NEGR1: variants seen among roughly 807,000 people sequenced by gnomAD.
NEGR1 encodes the protein IgLON family member 4.
Under a neutral mutation model 40.9 loss-of-function variants are expected in NEGR1, and 10 were observed. The ratio of observed to expected loss-of-function variants is 0.24; its 90% CI spans 0.15 to 0.42. The LOEUF is 0.42. NEGR1 is among the 10% of genes least tolerant of loss of function. The probability of loss-of-function intolerance (pLI) is 1.00; values close to 1 mark genes in which losing one functional copy is unlikely to be tolerated. For synonymous variants in NEGR1, 185 were observed against 166.8 expected, an observed-to-expected ratio of 1.11 and a Z score of -0.84; for missense variants, 352 against 438.9, an observed-to-expected ratio of 0.80 and a Z score of 1.77.
intron 2 of NEGR1, among the ~76,000 whole-genome samples, chr1:71,799,708 T>G (rs987975875): frequency 6.0e-5 from 9 of 150,856 alleles, no homozygotes; most frequent in South Asian, 2.1e-4. Context: ...CAGCATCTGT[T>G]GTCTCCTGAC....
intron 4 of NEGR1, among the ~76,000 whole-genome samples, chr1:71,696,596 G>A (rs1416958299): frequency 6.6e-6 from 1 of 151,748 alleles, no homozygotes; most frequent in Non-Finnish European, 1.5e-5. Flanking sequence ...AATAAAATCA[G>A]TATACACATA....
chr1:71,433,867 A>C (rs544877259), intron 6 of NEGR1, among the ~76,000 whole-genome samples: 4 of 152,328 alleles, frequency 2.6e-5, no homozygotes, highest in South Asian at 4.1e-4. Context: ...GTATTTCTCT[A>C]TGTTTCAAAA....
At chr1:71,969,081 C>A (rs1557460843) in intron 1 of NEGR1, among the ~76,000 whole-genome samples, 1 of 151,938 alleles carries the variant, frequency 6.6e-6, no homozygotes, top group South Asian at 2.1e-4. Flanking sequence ...ATGGTGCGAT[C>A]TTGGCTTACT....
At chr1:72,241,717 T>C (rs901059935) in intron 1 of NEGR1, among the ~76,000 whole-genome samples, 1 of 151,668 alleles carries the variant, frequency 6.6e-6, no homozygotes, top group African/African-American at 2.4e-5. Context: ...CAGGTATATA[T>C]TCCTTCAACT....
intron 3 of NEGR1, among the ~76,000 whole-genome samples, chr1:71,751,728 A>AG (rs1655577225): frequency 6.6e-6 from 1 of 152,056 alleles, no homozygotes; most frequent in Non-Finnish European, 1.5e-5. Flanking sequence ...AAAAAAAAAA[A>AG]GCCTGTCTCA....
intron 2 of NEGR1, among the ~76,000 whole-genome samples, chr1:71,866,799 G>T (rs1294156377): frequency 6.6e-6 from 1 of 152,186 alleles, no homozygotes; most frequent in Non-Finnish European, 1.5e-5. Context: ...GTGGTAAGAA[G>T]TGATAGTATA....
intron 4 of NEGR1, among the ~76,000 whole-genome samples, chr1:71,685,469 T>C (rs1368742360): frequency 2.0e-5 from 3 of 152,040 alleles, no homozygotes; most frequent in Non-Finnish European, 4.4e-5. Flanking sequence ...ATTACAGGCA[T>C]GCACCACCAC....
intron 2 of NEGR1, among the ~76,000 whole-genome samples, chr1:71,789,124 C>T (rs1224919307): frequency 1.3e-5 from 2 of 152,054 alleles, no homozygotes; most frequent in Non-Finnish European, 2.9e-5. Flanking sequence ...GAGTTATACA[C>T]ATATGGAGGC....
intron 4 of NEGR1, among the ~76,000 whole-genome samples, chr1:71,685,129 T>C (rs1652986772): frequency 6.6e-6 from 1 of 152,166 alleles, no homozygotes; most frequent in Admixed American, 6.6e-5. Context: ...ACATTACTGA[T>C]GTTTTCATTT....
chr1:72,129,834 T>C (rs531810578), intron 1 of NEGR1, among the ~76,000 whole-genome samples: 7 of 152,350 alleles, frequency 4.6e-5, no homozygotes, highest in South Asian at 2.1e-4. Flanking sequence ...TAAGAAAATA[T>C]TGTCACATCT....
At chr1:72,059,185 A>G (rs1048948680) in intron 1 of NEGR1, among the ~76,000 whole-genome samples, 1 of 151,630 alleles carries the variant, frequency 6.6e-6, no homozygotes, top group Non-Finnish European at 1.5e-5. Flanking sequence ...AGAGTACAGC[A>G]TCTAGTTAAA....
intron 2 of NEGR1, among the ~76,000 whole-genome samples, chr1:71,925,250 G>A (rs1277446773): frequency 6.6e-6 from 1 of 152,160 alleles, no homozygotes; most frequent in Non-Finnish European, 1.5e-5. Flanking sequence ...AATTTCATCA[G>A]ATTTTCAAAT....
chr1:72,237,186 T>C (rs917930329), intron 1 of NEGR1, among the ~76,000 whole-genome samples: 2 of 151,992 alleles, frequency 1.3e-5, no homozygotes, highest in Non-Finnish European at 2.9e-5. Context: ...TTACAAATCA[T>C]ACAAAGCAAG....
At chr1:71,619,388 G>A (rs557468523) in intron 4 of NEGR1, among the ~76,000 whole-genome samples, 29 of 152,074 alleles carry the variant, frequency 1.9e-4, no homozygotes, top group African/African-American at 6.3e-4. Context: ...CTGGGAGTAG[G>A]GAAATAAATT....
At chr1:71,748,403 T>A (rs1332244973) in intron 3 of NEGR1, among the ~76,000 whole-genome samples, 1 of 152,184 alleles carries the variant, frequency 6.6e-6, no homozygotes, top group Non-Finnish European at 1.5e-5. Flanking sequence ...TGAGTATATA[T>A]ATGTATACAT....
intron 6 of NEGR1, among the ~76,000 whole-genome samples, chr1:71,542,889 G>T (rs1647762128): frequency 1.3e-5 from 2 of 151,774 alleles, no homozygotes; most frequent in South Asian, 4.1e-4. Context: ...TTTAACTTTG[G>T]AAAAAATTGC....
intron 3 of NEGR1, among the ~76,000 whole-genome samples, chr1:71,759,596 C>CTCTTTTT (rs1655866637): frequency 3.1e-5 from 1 of 31,952 alleles, no homozygotes; most frequent in Non-Finnish European, 6.3e-5. Context: ...TGCGTCCAGG[C>CTCTTTTT]TTTTTTTTTT....
chr1:71,407,449 T>A lies in NEGR1; in HGVS notation c.1062A>T (p.Gln354His). The change falls in exon 7 of 7, where the codon CAA becomes CAT. Residue 354 changes from glutamine to histidine, a missense_variant. Around this residue, in one of 5 missense-constraint regions of NEGR1, gnomAD observed 184 missense variants for 208.7 expected, o/e 0.88. Coordinates refer to ENST00000357731, the MANE Select transcript of NEGR1 (RefSeq NM_173808.3). The stretch of plus-strand genomic sequence containing the variant: ...AGCCTTTTATGGGTCTTTGAATTTA[T>A]TGTAGAATGGCATTCTTCAGGTAGA... ...SIFYLKNAIL[Q>H] 6.2e-7 allele frequency: 1 copy of A among 1,611,708 alleles called. No individual in the cohort carries two copies.
intron 6 of NEGR1, among the ~76,000 whole-genome samples, chr1:71,580,647 G>C (rs1034958719): frequency 6.6e-6 from 1 of 151,846 alleles, no homozygotes; most frequent in African/African-American, 2.4e-5. Context: ...AATGGGGGGA[G>C]GGCACTGAAG....
Sources: allele counts gnomAD v4.1 joint callset (sites outside exome capture counted in the v4.1 genomes callset), GRCh38; gene constraint gnomAD v4.1.1; regional missense constraint gnomAD v4.1.1; transcripts MANE v1.5; gene names NCBI Gene and HGNC (gene_info 2026-07-23, HGNC 2026-07-21).